ROMO1: variants seen among roughly 807,000 people sequenced by gnomAD.
The protein encoded by ROMO1 is PCM19.
A neutral mutation model predicts 7.4 loss-of-function variants in ROMO1; 8 were observed. The observed-to-expected ratio is 1.08, with a 90% confidence interval of 0.63 to 1.95. The LOEUF (loss-of-function observed/expected upper bound fraction) is 1.95. ROMO1 is among the 30% of genes most tolerant of loss of function. ROMO1 has a pLI of 0.00. For missense variants in ROMO1, 91 were observed against 115.9 expected (o/e 0.79, Z 0.99); for synonymous variants, 43 against 41.4 (o/e 1.04, Z -0.15).
Position 35,699,891 on chromosome 20 carries a change from C to T in ROMO1, c.131+128C>T. The T allele has an allele frequency of 8.3e-7, 1 of 1,208,360 alleles. No individual in the cohort carries two copies. The highest frequency in any genetic ancestry group is 2.6e-5 in the East Asian group (1 of 38,500). The allele number at this position is 1,208,360 out of a possible 1,614,324, so 74.9% of individuals were successfully genotyped here. On this transcript the variant is annotated intron_variant, in intron 2 of 2. Coordinates refer to ENST00000374077, the MANE Select transcript of ROMO1 (RefSeq NM_080748.3). This position sits in a 1 kb window ranked among gnomAD's most constrained non-coding sequence, Gnocchi z 4.4. ...TCTCTGTCCCCTCGCGAGCCAGACT[C>T]ATTCCAAACCACCTTCAATCTGTAA...
rs2035211324 is a variant in ROMO1, at chr20:35,699,487, C to T, written c.-1+31C>T. ...CGCCGGGCGACGCGGGGCCGGAACGCGAAGAGGGTGGTGGAGTCGGGCTAC... is the reference window on the plus strand; with the variant it reads ...CGCCGGGCGACGCGGGGCCGGAACGTGAAGAGGGTGGTGGAGTCGGGCTAC... On this transcript the variant is annotated intron_variant, in intron 1 of 2. Transcript: ENST00000374077. This position sits in a 1 kb window ranked among gnomAD's most constrained non-coding sequence, Gnocchi z 4.4. 7.8e-7 allele frequency: 1 copy of T among 1,282,076 alleles called. No homozygotes were observed. Among genetic ancestry groups the T allele is most frequent in the Non-Finnish European group, 1.1e-6 (1 of 932,268 alleles). The allele number at this position is 1,282,076 out of a possible 1,614,324, so 79.4% of individuals were successfully genotyped here.
chr20:35,699,409 T>C lies in ROMO1; in HGVS notation c.-48T>C. ...GCCGCGAGCGCCCTCCCCGTCGTTT[T>C]CCGTGAGAGACGTAGAGCTGAGCGA... On this transcript the variant is annotated 5_prime_UTR_variant, in exon 1 of 3. Coordinates refer to ENST00000374077, the MANE Select transcript of ROMO1 (RefSeq NM_080748.3). This position sits in a 1 kb window ranked among gnomAD's most constrained non-coding sequence, Gnocchi z 4.4. The C allele has an allele frequency of 8.2e-7, 1 of 1,226,646 alleles. No homozygotes were observed. The highest frequency in any genetic ancestry group is 1.1e-6 in the Non-Finnish European group (1 of 920,456). The allele number at this position is 1,226,646 out of a possible 1,614,324, so 76.0% of individuals were successfully genotyped here.
chr20:35,699,539 C>G lies in ROMO1; in HGVS notation c.-1+83C>G. 1.9e-6 allele frequency: 3 copies of G among 1,550,270 alleles called. No homozygotes were observed. The South Asian group carries it at 3.4e-5, about 18-fold the overall frequency. ...CACTGATTTTCCTTCCCTTACTTCC[C>G]CTGAGCCCTTGGGCCCACTTCCCAG... On this transcript the variant is annotated intron_variant, in intron 1 of 2. Transcript: ENST00000374077. The surrounding 1 kb of genome is among the most constrained non-coding windows in gnomAD (Gnocchi z 4.4).
rs528378242 is a variant in ROMO1, at chr20:35,699,886, A to G, written c.131+123A>G. ...TTCCCTCTCTGTCCCCTCGCGAGCC[A>G]GACTCATTCCAAACCACCTTCAATC... On this transcript the variant is annotated intron_variant, in intron 2 of 2. Transcript: ENST00000374077. The surrounding 1 kb of genome is among the most constrained non-coding windows in gnomAD (Gnocchi z 4.4). 1 of 1,314,212 alleles carries G rather than the reference A, an allele frequency of 7.6e-7. No individual in the cohort carries two copies. Among genetic ancestry groups the G allele is most frequent in the Non-Finnish European group, 1.0e-6 (1 of 973,202 alleles). 81.4% of individuals were successfully genotyped at this position (1,314,212 alleles called of 1,614,324 possible). A position where few individuals can be genotyped will look rare whatever the true frequency, so the allele number is the denominator to read the frequency against.
intron 2 of ROMO1, among the ~76,000 whole-genome samples, chr20:35,700,160 C>A (rs1043290273): frequency 1.9e-4 from 28 of 151,290 alleles, no homozygotes; most frequent in African/African-American, 6.8e-4. Context: ...TTTTTTTTTC[C>A]AATTGCGCAT....
At chr20:35,700,007 C>CTA (rs760759516) in intron 2 of ROMO1, among the ~76,000 whole-genome samples, 1 of 152,196 alleles carries the variant, frequency 6.6e-6, no homozygotes, top group Non-Finnish European at 1.5e-5. Flanking sequence ...TGACTTTAGG[C>CTA]AAGTTGGAGA....
Position 35,699,930 on chromosome 20 carries a change from G to T in ROMO1, c.131+167G>T, listed in dbSNP as rs986788507. On this transcript the variant is annotated intron_variant, in intron 2 of 2. Coordinates refer to ENST00000374077, the MANE Select transcript of ROMO1 (RefSeq NM_080748.3). This position sits in a 1 kb window ranked among gnomAD's most constrained non-coding sequence, Gnocchi z 4.4. Reference sequence around the variant, plus strand: ...TTCAATCTGTAAAGTCAGGTTGGAAGCGTCAGTGCTTAAGAATTTGAGCTT... The same window carrying T: ...TTCAATCTGTAAAGTCAGGTTGGAATCGTCAGTGCTTAAGAATTTGAGCTT... 6.6e-6 allele frequency among the ~76,000 whole-genome samples: 1 copy of T among 152,206 alleles called. No individual in the cohort carries two copies. The highest frequency in any genetic ancestry group is 1.5e-5 in the Non-Finnish European group (1 of 68,042).
Position 35,699,475 on chromosome 20 carries a change from G to A in ROMO1, c.-1+19G>A. 8.1e-7 allele frequency: 1 copy of A among 1,236,628 alleles called. No individual in the cohort carries two copies. Among genetic ancestry groups the A allele is most frequent in the Non-Finnish European group, 1.1e-6 (1 of 898,140 alleles). The allele number at this position is 1,236,628 out of a possible 1,614,324, so 76.6% of individuals were successfully genotyped here. ...AGGTGAGGTAGGCGCCGGGCGACGC[G>A]GGGCCGGAACGCGAAGAGGGTGGTG... On this transcript the variant is annotated intron_variant, in intron 1 of 2. Transcript: ENST00000374077. This position sits in a 1 kb window ranked among gnomAD's most constrained non-coding sequence, Gnocchi z 4.4.
intron 2 of ROMO1, among the ~76,000 whole-genome samples, chr20:35,700,418 A>G (rs142368132): frequency 6.6e-6 from 1 of 152,332 alleles, no homozygotes; most frequent in African/African-American, 2.4e-5. Flanking sequence ...TGTAAATTGT[A>G]GAGCTGACTC....
chr20:35,699,540 C>T lies in ROMO1; in HGVS notation c.-1+84C>T. The stretch of plus-strand genomic sequence containing the variant: ...ACTGATTTTCCTTCCCTTACTTCCC[C>T]TGAGCCCTTGGGCCCACTTCCCAGC... On this transcript the variant is annotated intron_variant, in intron 1 of 2. Transcript: ENST00000374077. The surrounding 1 kb of genome is among the most constrained non-coding windows in gnomAD (Gnocchi z 4.4). 6.4e-7 allele frequency: 1 copy of T among 1,554,058 alleles called. No individual in the cohort carries two copies. The highest frequency in any genetic ancestry group is 1.1e-5 in the South Asian group (1 of 87,910).
rs2035255788 is a variant in ROMO1 at position 35,700,946 on chromosome 20, C to T, written c.*40C>T. On this transcript the variant is annotated 3_prime_UTR_variant, in exon 3 of 3. Transcript: ENST00000374077. The stretch of plus-strand genomic sequence containing the variant: ...TACATCTGTCCCTTCCCATCAATCC[C>T]AGCCCATGTACTAATAAAAGAAAGT... The T allele has an allele frequency of 7.2e-7, 1 of 1,392,352 alleles. No homozygotes were observed. Among genetic ancestry groups the T allele is most frequent in the Non-Finnish European group, 1.0e-6 (1 of 977,652 alleles). 86.2% of individuals were successfully genotyped at this position (1,392,352 alleles called of 1,614,324 possible).
Position 35,699,737 on chromosome 20 carries a change from G to T in ROMO1, c.105G>T (p.Ala35=). Residue 35 remains alanine (A), a synonymous_variant, in exon 2 of 3, where the codon GCG becomes GCT. Transcript: ENST00000374077. This position sits in a 1 kb window ranked among gnomAD's most constrained non-coding sequence, Gnocchi z 4.4. ...MGCAVGMAAG[A]LFGTFSCLRI... ...GCGCCGTGGGCATGGCGGCCGGGGCGCTCTTCGGCACCTTTTCCTGTCTCA... is the reference window on the plus strand; with the variant it reads ...GCGCCGTGGGCATGGCGGCCGGGGCTCTCTTCGGCACCTTTTCCTGTCTCA... 1 of 1,611,736 alleles carries T rather than the reference G, an allele frequency of 6.2e-7. No individual in the cohort carries two copies. The highest frequency in any genetic ancestry group is 8.5e-7 in the Non-Finnish European group (1 of 1,179,922).
chr20:35,699,520 T>G lies in ROMO1; in HGVS notation c.-1+64T>G. The G allele has an allele frequency of 6.8e-7, 1 of 1,474,106 alleles. No homozygotes were observed. Among genetic ancestry groups the G allele is most frequent in the Non-Finnish European group, 9.2e-7 (1 of 1,086,380 alleles). 91.3% of individuals were successfully genotyped at this position (1,474,106 alleles called of 1,614,324 possible). ...GTGGTGGAGTCGGGCTACCCACTGA[T>G]TTTCCTTCCCTTACTTCCCCTGAGC... On this transcript the variant is annotated intron_variant, in intron 1 of 2. Transcript: ENST00000374077. This position sits in a 1 kb window ranked among gnomAD's most constrained non-coding sequence, Gnocchi z 4.4.
Position 35,699,827 on chromosome 20 carries a change from G to T in ROMO1, c.131+64G>T, listed in dbSNP as rs938632335. 8.5e-6 allele frequency: 13 copies of T among 1,538,056 alleles called. No homozygotes were observed. The highest frequency in any genetic ancestry group is 6.9e-5 in the African/African-American group (5 of 72,924). Reference sequence around the variant, plus strand: ...AGACCTTCCGGCCCTGCCCCATTCGGCCTGGAGCCTGAACACAGCCTCCTT... The same window carrying T: ...AGACCTTCCGGCCCTGCCCCATTCGTCCTGGAGCCTGAACACAGCCTCCTT... On this transcript the variant is annotated intron_variant, in intron 2 of 2. Transcript: ENST00000374077. The surrounding 1 kb of genome is among the most constrained non-coding windows in gnomAD (Gnocchi z 4.4).
In ROMO1 at chr20:35,699,474, C is replaced by A; in HGVS notation, c.-1+18C>A. 1 of 1,232,566 alleles carries A rather than the reference C, an allele frequency of 8.1e-7. No homozygotes were observed. The highest frequency in any genetic ancestry group is 1.1e-6 in the Non-Finnish European group (1 of 894,664). 76.4% of individuals were successfully genotyped at this position (1,232,566 alleles called of 1,614,324 possible). On this transcript the variant is annotated intron_variant, in intron 1 of 2. Coordinates refer to ENST00000374077, the MANE Select transcript of ROMO1 (RefSeq NM_080748.3). The surrounding 1 kb of genome is among the most constrained non-coding windows in gnomAD (Gnocchi z 4.4). ...GAGGTGAGGTAGGCGCCGGGCGACG[C>A]GGGGCCGGAACGCGAAGAGGGTGGT...
Position 35,699,425 on chromosome 20 carries a change from A to T in ROMO1, c.-32A>T, listed in dbSNP as rs1266306340. On this transcript the variant is annotated 5_prime_UTR_variant, in exon 1 of 3. Coordinates refer to ENST00000374077, the MANE Select transcript of ROMO1 (RefSeq NM_080748.3). This position sits in a 1 kb window ranked among gnomAD's most constrained non-coding sequence, Gnocchi z 4.4. ...CCGTCGTTTTCCGTGAGAGACGTAG[A>T]GCTGAGCGACCCAGCCCGCGAGCGA... 2.5e-6 allele frequency: 3 copies of T among 1,190,752 alleles called. No individual in the cohort carries two copies. Among genetic ancestry groups the T allele is most frequent in the African/African-American group, 1.6e-5 (1 of 63,884 alleles). 73.8% of individuals were successfully genotyped at this position (1,190,752 alleles called of 1,614,324 possible). A position where few individuals can be genotyped will look rare whatever the true frequency, so the allele number is the denominator to read the frequency against.
chr20:35,700,797 G>A lies in ROMO1; in HGVS notation c.132-1G>A. 6.2e-7 allele frequency: 1 copy of A among 1,613,846 alleles called. No homozygotes were observed. Among genetic ancestry groups the A allele is most frequent in the Non-Finnish European group, 8.5e-7 (1 of 1,179,770 alleles). The stretch of plus-strand genomic sequence containing the variant: ...TAGCTCCATCTTGGTTTCCTCCTCA[G>A]GATCGGAATGCGGGGTCGAGAGCTG... On this transcript the variant is annotated splice_acceptor_variant, in intron 2 of 2. Transcript: ENST00000374077. LOFTEE classifies it high-confidence loss of function.
chr20:35,700,742 A>T, intron 2 of ROMO1, 56 bp from the exon 3 acceptor site: 1 of 1,462,796 alleles, frequency 6.8e-7, no homozygotes. Flanking sequence ...AGGAGCAGTT[A>T]ATACTCTTTC....
chr20:35,700,812 G>T lies in ROMO1; in HGVS notation c.146G>T (p.Gly49Val). 1.2e-6 allele frequency: 2 copies of T among 1,614,150 alleles called. No individual in the cohort carries two copies. Among genetic ancestry groups the T allele is most frequent in the South Asian group, 1.1e-5 (1 of 91,076 alleles). ...TFSCLRIGMRGRELMGGIGKT... is the reference protein window; with the variant it reads ...TFSCLRIGMRVRELMGGIGKT... ...TTCCTCCTCAGGATCGGAATGCGGG[G>T]TCGAGAGCTGATGGGCGGCATTGGG... The change falls in exon 3 of 3, where the codon GGT becomes GTT. Residue 49 changes from glycine (G) to valine (V), a missense_variant. By Grantham distance (109) the Gly-to-Val change is moderately radical (BLOSUM62 -3). Transcript: ENST00000374077.
Sources: allele counts gnomAD v4.1 joint callset (sites outside exome capture counted in the v4.1 genomes callset), GRCh38; gene constraint gnomAD v4.1.1; non-coding constraint Gnocchi (gnomAD v3.1); transcripts MANE v1.5; gene names NCBI Gene and HGNC (gene_info 2026-07-23, HGNC 2026-07-21).